Variants in CTAGE1 observed in about 807,000 individuals in gnomAD.
The protein encoded by CTAGE1 is cTAGE family member 2.
For missense variants in CTAGE1, 963 were observed against 855.9 expected (o/e 1.13, Z -1.56); for synonymous variants, 332 against 302.8 (o/e 1.10, Z -1.00).
rs2035016024 is a variant in CTAGE1 at position 22,416,406 on chromosome 18, T to A, written c.1406A>T (p.Lys469Ile). ...EIEFKIKLLE[K>I]DPYGLDVPNT... ...TGGAACATCAAGTCCATAAGGATCT[T>A]TTTCTAAAAGTTTTATTTTAAACTC... Residue 469 changes from lysine to isoleucine, a missense_variant, in exon 1 of 1, where the codon AAA (lysine) becomes ATA (isoleucine). Coordinates refer to ENST00000391403, the MANE Select transcript of CTAGE1 (RefSeq NM_172241.3). The A allele has an allele frequency of 5.0e-6, 8 of 1,613,616 alleles. No homozygotes were observed. Among genetic ancestry groups the A allele is most frequent in the African/African-American group, 1.3e-5 (1 of 74,856 alleles).
rs3813130 is a variant in CTAGE1 at position 22,415,217 on chromosome 18, A to G, written c.*357T>C. The G allele has an allele frequency of 7.3e-5, 17 of 233,924 alleles. No individual in the cohort carries two copies. The East Asian group carries it at 1.6e-3, about 22-fold the overall frequency. The allele number at this position is 233,924 out of a possible 1,614,324, so 14.5% of individuals were successfully genotyped here. On this transcript the variant is annotated 3_prime_UTR_variant, in exon 1 of 1. Transcript: ENST00000391403. ...CATAAAGACAATTTAAAGCCTCCCC[A>G]CCTGCAAGATTACATATATAAAGCT...
In CTAGE1 at chr18:22,414,508, C is replaced by A. The variant is rs889080108; in HGVS notation, c.*1066G>T. Reference sequence around the variant, plus strand: ...AGCAATGGCTTGGTGGCCCAGCTTGCATGAAGGACTAATCCAAAATTTGAG... The same window carrying A: ...AGCAATGGCTTGGTGGCCCAGCTTGAATGAAGGACTAATCCAAAATTTGAG... On this transcript the variant is annotated 3_prime_UTR_variant, in exon 1 of 1. Transcript: ENST00000391403. 1 of 585,372 alleles carries A rather than the reference C, an allele frequency of 1.7e-6. No homozygotes were observed. Among genetic ancestry groups the A allele is most frequent in the Non-Finnish European group, 3.0e-6 (1 of 332,314 alleles). The allele number at this position is 585,372 out of a possible 1,614,324, so 36.3% of individuals were successfully genotyped here.
Position 22,417,351 on chromosome 18 carries a change from T to C in CTAGE1, c.461A>G (p.Lys154Arg), listed in dbSNP as rs759679661. ...QSLEDESKSL[K>R]SQVAEAKMTF... ...CATTTTGGCTTCAGCTACTTGTGAT[T>C]TGAGGGATTTTGACTCATCTTCTAG... Residue 154 changes from lysine to arginine, a missense_variant, in exon 1 of 1, where the codon AAA (lysine) becomes AGA (arginine). Transcript: ENST00000391403. 6 of 1,613,996 alleles carry C rather than the reference T, an allele frequency of 3.7e-6. No homozygotes were observed. In the Admixed American group the frequency reaches 5.0e-5, roughly 13 times the overall value.
Position 22,415,615 on chromosome 18 carries a change from G to T in CTAGE1, c.2197C>A (p.Pro733Thr), listed in dbSNP as rs372016465. The change falls in exon 1 of 1, where the codon CCC becomes ACC. Residue 733 changes from proline (P) to threonine (T), a missense_variant. By Grantham distance (38) the Pro-to-Thr change is conservative. Coordinates refer to ENST00000391403, the MANE Select transcript of CTAGE1 (RefSeq NM_172241.3). ...GGGGGGAAAAATGCAGGTCTTGGGG[G>T]ACGGTAAGGAAGAAAACCTCTCGGT... ...YLPRGFLPYR[P>T]PRPAFFPPAP... 11 of 1,612,942 alleles carry T rather than the reference G, an allele frequency of 6.8e-6. No homozygotes were observed. The African/African-American group carries it at 1.1e-4, about 16-fold the overall frequency.
Position 22,416,073 on chromosome 18 carries a change from C to A in CTAGE1, c.1739G>T (p.Gly580Val), listed in dbSNP as rs1371740399. The A allele has an allele frequency of 3.1e-6, 5 of 1,613,886 alleles. No individual in the cohort carries two copies. In the Admixed American group the frequency reaches 6.7e-5, roughly 22 times the overall value. The change falls in exon 1 of 1, where the codon GGA (glycine) becomes GTA (valine). Residue 580 changes from glycine (G) to valine (V), a missense_variant. Physicochemically the swap from Gly to Val is moderately radical, Grantham distance 109. Transcript: ENST00000391403. ...QDYRMMFPPP[G>V]QSYPDSALPP... The stretch of plus-strand genomic sequence containing the variant: ...GAGAGCTGAATCAGGATATGATTGT[C>A]CTGGTGGAGGAAACATCATCCTATA...
chr18:22,415,276 A>T lies in CTAGE1; in HGVS notation c.*298T>A. ...TCTTTATATAATAGTGGATTAATCA[A>T]ATTAAAAGTTATACTATCTAGAATA... On this transcript the variant is annotated 3_prime_UTR_variant, in exon 1 of 1. Transcript: ENST00000391403. 3.2e-6 allele frequency: 1 copy of T among 311,204 alleles called. No individual in the cohort carries two copies. The highest frequency in any genetic ancestry group is 6.1e-5 in the East Asian group (1 of 16,518). The allele number at this position is 311,204 out of a possible 1,614,324, so 19.3% of individuals were successfully genotyped here. A position where few individuals can be genotyped will look rare whatever the true frequency, so the allele number is the denominator to read the frequency against.
In CTAGE1 at chr18:22,415,800, A is replaced by G. The variant is rs563742083; in HGVS notation, c.2012T>C (p.Leu671Ser). ...VPPPLAPIRGLLFPVDTRGPF... is the reference protein window; with the variant it reads ...VPPPLAPIRGSLFPVDTRGPF... ...GCCCCTTGTATCTACTGGAAACAAT[A>G]AACCTCTGATTGGAGCAAGAGGTGG... Residue 671 changes from leucine (L) to serine (S), a missense_variant, in exon 1 of 1, where the codon TTA becomes TCA. Physicochemically the swap from Leu to Ser is moderately radical, Grantham distance 145. Transcript: ENST00000391403. The G allele has an allele frequency of 1.4e-4, 232 of 1,613,950 alleles. No homozygotes were observed. Among genetic ancestry groups the G allele is most frequent in the Middle Eastern group, 8.3e-4 (5 of 6,056 alleles).
rs773807468 is a variant in CTAGE1 at position 22,417,174 on chromosome 18, T to C, written c.638A>G (p.Lys213Arg). Residue 213 changes from lysine (K) to arginine (R), a missense_variant, in exon 1 of 1, where the codon AAA (lysine) becomes AGA (arginine). Physicochemically the swap from Lys to Arg is conservative, Grantham distance 26. Coordinates refer to ENST00000391403, the MANE Select transcript of CTAGE1 (RefSeq NM_172241.3). ...KEQVSELIKQ[K>R]RTFEDSKVHA... is the part of the protein sequence containing the mutation. The stretch of plus-strand genomic sequence containing the variant: ...TACTTTGGAGTCTTCAAATGTTCTT[T>C]TCTGTTTAATAAGTTCACTCACTTG... 1 of 1,613,960 alleles carries C rather than the reference T, an allele frequency of 6.2e-7. No homozygotes were observed. The highest frequency in any genetic ancestry group is 8.5e-7 in the Non-Finnish European group (1 of 1,179,856).
rs1489581946 is a variant in CTAGE1, at chr18:22,415,031, GT to G, written c.*542del. 2 of 532,670 alleles carry G rather than the reference GT, an allele frequency of 3.8e-6. No homozygotes were observed. Among genetic ancestry groups the G allele is most frequent in the African/African-American group, 3.8e-5 (2 of 52,572 alleles). 33.0% of individuals were successfully genotyped at this position (532,670 alleles called of 1,614,324 possible). On this transcript the variant is annotated 3_prime_UTR_variant, in exon 1 of 1. Transcript: ENST00000391403. ...AGATCCAAGATCATCTTGGTTTAAA[GT>G]GAAATATTCTAACAGTTACATAGTA... is the stretch of plus-strand genomic sequence containing the variant.
Position 22,414,888 on chromosome 18 carries a change from G to A in CTAGE1, c.*686C>T, listed in dbSNP as rs1172186117. The A allele has an allele frequency of 3.0e-6, 2 of 675,062 alleles. No homozygotes were observed. Among genetic ancestry groups the A allele is most frequent in the African/African-American group, 1.8e-5 (1 of 55,494 alleles). The allele number at this position is 675,062 out of a possible 1,614,324, so 41.8% of individuals were successfully genotyped here. ...ATTAGCTTAGGGAAGACGAAGGGAA[G>A]GAAAGGGAGGGCGAAGAAACCATTC... On this transcript the variant is annotated 3_prime_UTR_variant, in exon 1 of 1. Coordinates refer to ENST00000391403, the MANE Select transcript of CTAGE1 (RefSeq NM_172241.3).
In CTAGE1 at chr18:22,416,308, C is replaced by T; in HGVS notation, c.1504G>A (p.Ala502Thr). 2 of 1,613,956 alleles carry T rather than the reference C, an allele frequency of 1.2e-6. No homozygotes were observed. The highest frequency in any genetic ancestry group is 2.2e-5 in the South Asian group (2 of 91,066). Residue 502 changes from alanine (A) to threonine (T), a missense_variant, in exon 1 of 1, where the codon GCT (alanine) becomes ACT (threonine). Coordinates refer to ENST00000391403, the MANE Select transcript of CTAGE1 (RefSeq NM_172241.3). ...AACAAAGTTGGAGGATAGAGAGAAG[C>T]TCTCGTTTCAGATGAAGGCCAACCC... ...PLGWPSSETRASLYPPTLLEG... is the reference protein window; with the variant it reads ...PLGWPSSETRTSLYPPTLLEG...
chr18:22,417,319 T>G lies in CTAGE1; in HGVS notation c.493A>C (p.Lys165Gln), dbSNP rs1187348207. 12 of 1,614,016 alleles carry G rather than the reference T, an allele frequency of 7.4e-6. No homozygotes were observed. Among genetic ancestry groups the G allele is most frequent in the Non-Finnish European group, 1.0e-5 (12 of 1,179,876 alleles). Residue 165 changes from lysine to glutamine, a missense_variant, in exon 1 of 1, where the codon AAG (lysine) becomes CAG (glutamine). Transcript: ENST00000391403. Reference sequence around the variant, plus strand: ...CGTTCTTCATTCGCTTGAAATCTCTTGAAGGTCATTTTGGCTTCAGCTACT... The same window carrying G: ...CGTTCTTCATTCGCTTGAAATCTCTGGAAGGTCATTTTGGCTTCAGCTACT... ...SQVAEAKMTFKRFQANEERLE... is the reference protein window; with the variant it reads ...SQVAEAKMTFQRFQANEERLE...
chr18:22,416,734 G>C lies in CTAGE1; in HGVS notation c.1078C>G (p.Gln360Glu). ...QKLKVMTELY[Q>E]ENEMKLYRKL... ...CTGTAGAGTTTCATTTCATTTTCTT[G>C]ATATAATTCAGTCATTACTTTAAGT... Residue 360 changes from glutamine (Q) to glutamate (E), a missense_variant, in exon 1 of 1, where the codon CAA becomes GAA. Gln to Glu is a conservative substitution (Grantham distance 29). Coordinates refer to ENST00000391403, the MANE Select transcript of CTAGE1 (RefSeq NM_172241.3). The C allele has an allele frequency of 6.2e-7, 1 of 1,612,108 alleles. No homozygotes were observed. The highest frequency in any genetic ancestry group is 8.5e-7 in the Non-Finnish European group (1 of 1,179,444).
At position 22,417,310 on chromosome 18, in the gene CTAGE1, G is replaced by A. The variant is rs2035028310; in HGVS notation, c.502C>T (p.Gln168Ter). 1 of 1,613,818 alleles carries A rather than the reference G, an allele frequency of 6.2e-7. No homozygotes were observed. Among genetic ancestry groups the A allele is most frequent in the Non-Finnish European group, 8.5e-7 (1 of 1,179,860 alleles). The change falls in exon 1 of 1, where the codon CAA (glutamine) becomes TAA (stop). Residue 168 changes from glutamine (Q) to a stop codon, truncating the protein, a stop_gained. Coordinates refer to ENST00000391403, the MANE Select transcript of CTAGE1 (RefSeq NM_172241.3). LOFTEE classifies it low-confidence loss of function (END_TRUNC). ...AEAKMTFKRF[Q>*]ANEERLEIEI... ...ATCTCCAACCGTTCTTCATTCGCTT[G>A]AAATCTCTTGAAGGTCATTTTGGCT...
In CTAGE1 at chr18:22,417,417, T is replaced by G; in HGVS notation, c.395A>C (p.Gln132Pro). ...LKEEKSKHSE[Q>P]NELMADISKR... is the part of the protein sequence containing the mutation. ...GGAAATATCCGCCATCAATTCATTT[T>G]GTTCAGAATGTTTAGATTTCTCTTC... Residue 132 changes from glutamine to proline, a missense_variant, in exon 1 of 1, where the codon CAA becomes CCA. Gln to Pro is a moderately conservative substitution (Grantham distance 76). Coordinates refer to ENST00000391403, the MANE Select transcript of CTAGE1 (RefSeq NM_172241.3). The G allele has an allele frequency of 6.2e-7, 1 of 1,614,034 alleles. No individual in the cohort carries two copies. Among genetic ancestry groups the G allele is most frequent in the Non-Finnish European group, 8.5e-7 (1 of 1,179,870 alleles).
Position 22,414,381 on chromosome 18 carries a change from A to C in CTAGE1, c.*1193T>G, listed in dbSNP as rs8093101. ...TGTCTCAAATAGTTACTTTTCTTTT[A>C]TTTTATTACATTCAAGCAGAGACTG... On this transcript the variant is annotated 3_prime_UTR_variant, in exon 1 of 1. Transcript: ENST00000391403. 51,097 of 366,892 alleles carry C rather than the reference A, an allele frequency of 0.14. 4,416 individuals carry two copies. Among genetic ancestry groups the C allele is most frequent in the East Asian group, 0.3 (6,332 of 21,230 alleles). The allele number at this position is 366,892 out of a possible 1,614,324, so 22.7% of individuals were successfully genotyped here. A position where few individuals can be genotyped will look rare whatever the true frequency, so the allele number is the denominator to read the frequency against.
Position 22,415,010 on chromosome 18 carries a change from C to T in CTAGE1, c.*564G>A, listed in dbSNP as rs1238342840. On this transcript the variant is annotated 3_prime_UTR_variant, in exon 1 of 1. Coordinates refer to ENST00000391403, the MANE Select transcript of CTAGE1 (RefSeq NM_172241.3). ...ATATAAAATCTATAAGACAGGAGAT[C>T]CAAGATCATCTTGGTTTAAAGTGAA... is the stretch of plus-strand genomic sequence containing the variant. 3 of 557,192 alleles carry T rather than the reference C, an allele frequency of 5.4e-6. No individual in the cohort carries two copies. The African/African-American group carries it at 5.7e-5, about 11-fold the overall frequency. 34.5% of individuals were successfully genotyped at this position (557,192 alleles called of 1,614,324 possible).
In CTAGE1 at chr18:22,416,995, C is replaced by A; in HGVS notation, c.817G>T (p.Ala273Ser). Residue 273 changes from alanine (A) to serine (S), a missense_variant, in exon 1 of 1, where the codon GCT (alanine) becomes TCT (serine). Physicochemically the swap from Ala to Ser is moderately conservative, Grantham distance 99 (BLOSUM62 1). Transcript: ENST00000391403. ...CCTTTTGGAGGATTATCTAAGTAAG[C>A]ACCATCTTCCGATTCACTGTTCATT... ...LEMNSESEDG[A>S]YLDNPPKGAL... is the part of the protein sequence containing the mutation. The A allele has an allele frequency of 6.2e-7, 1 of 1,614,028 alleles. No homozygotes were observed. Among genetic ancestry groups the A allele is most frequent in the Non-Finnish European group, 8.5e-7 (1 of 1,179,908 alleles).
At position 22,416,931 on chromosome 18, in the gene CTAGE1, G is replaced by A. The variant is rs780383237; in HGVS notation, c.881C>T (p.Ala294Val). 1.2e-5 allele frequency: 20 copies of A among 1,613,818 alleles called. No individual in the cohort carries two copies. The African/African-American group carries it at 2.7e-4, about 22-fold the overall frequency. ...TTCTCCTTCTAAGGTTTTTAAGGAA[G>A]CATTTAACTTAGCAGCATGAATCAG... The part of the protein sequence containing the change: ...KKLIHAAKLN[A>V]SLKTLEGERN... Residue 294 changes from alanine (A) to valine (V), a missense_variant, in exon 1 of 1, where the codon GCT becomes GTT. Ala to Val is a moderately conservative substitution (Grantham distance 64, BLOSUM62 0). Transcript: ENST00000391403.
Sources: gnomAD v4.1 joint callset for allele counts on GRCh38, gnomAD v4.1.1 for gene constraint, MANE v1.5 for transcripts, NCBI Gene and HGNC (gene_info 2026-07-23, HGNC 2026-07-21) for gene names.